GALNT13: variants seen among roughly 807,000 people sequenced by gnomAD.
GALNT13 encodes the protein UDP-GalNAc:polypeptide N-acetylgalactosaminyltransferase 13.
A neutral mutation model predicts 64.2 loss-of-function variants in GALNT13; 28 were observed. The ratio of observed to expected loss-of-function variants is 0.44; its 90% confidence interval spans 0.32 to 0.60. The LOEUF (loss-of-function observed/expected upper bound fraction) is 0.60, where lower values mean the gene tolerates loss of function less well. Among genes scored for constraint, GALNT13 ranks in the 20% least tolerant of loss-of-function variants. The probability of loss-of-function intolerance (pLI) is 0.05; values close to 1 mark genes in which losing one functional copy is unlikely to be tolerated. For synonymous variants in GALNT13, 214 were observed against 224.6 expected (o/e 0.95, Z 0.42); for missense variants, 577 against 669.8 (o/e 0.86, Z 1.53).
intron 1 of GALNT13, among the ~76,000 whole-genome samples, chr2:153,899,215 C>G (rs996413266): frequency 6.6e-6 from 1 of 152,124 alleles, no homozygotes. Flanking sequence ...GCAGATATTG[C>G]GGTAAGATGA....
At position 154,348,878 on chromosome 2, in the gene GALNT13, G is replaced by C. The variant is rs75607610; in HGVS notation, c.1157-47113G>C. Among the ~76,000 whole-genome samples, 1,187 of 152,230 alleles carry C rather than the reference G, an allele frequency of 7.8e-3. 14 individuals are homozygous for C. Among genetic ancestry groups the C allele is most frequent in the African/African-American group, 0.027 (1,128 of 41,548 alleles). On this transcript the variant is annotated intron_variant, in intron 9 of 12. Transcript: ENST00000392825. Reference sequence around the variant, plus strand: ...AGAATCAAACAGAGCCTTTCCAGAAGTTTTTAAAGGGTCATGGAAATGAAA... The same window carrying C: ...AGAATCAAACAGAGCCTTTCCAGAACTTTTTAAAGGGTCATGGAAATGAAA...
the GALNT13 span, among the ~76,000 whole-genome samples, chr2:153,800,657 A>G: frequency 6.6e-6 from 1 of 152,324 alleles, no homozygotes; most frequent in African/African-American, 2.4e-5. Flanking sequence ...GTTCACAAGC[A>G]TCATCACCAG....
chr2:153,754,399 G>A, the GALNT13 span, among the ~76,000 whole-genome samples: 1 of 152,094 alleles, frequency 6.6e-6, no homozygotes, highest in Non-Finnish European at 1.5e-5. Flanking sequence ...CAGTTTGCAG[G>A]TGATAAATCC....
At chr2:153,099,930 C>A in the GALNT13 span, among the ~76,000 whole-genome samples, 1 of 152,134 alleles carries the variant, frequency 6.6e-6, no homozygotes, top group Non-Finnish European at 1.5e-5. Flanking sequence ...CAGAAGGTAT[C>A]TCAGGAATTA....
At chr2:154,434,271 G>GT (rs956796924) in intron 11 of GALNT13, among the ~76,000 whole-genome samples, 14 of 152,064 alleles carry the variant, frequency 9.2e-5, no homozygotes, top group South Asian at 8.3e-4. Context: ...TGGTTTGTTT[G>GT]TTTTTTTTAG....
At chr2:153,920,778 A>G (rs1038799043) in intron 2 of GALNT13, among the ~76,000 whole-genome samples, 2 of 151,912 alleles carry the variant, frequency 1.3e-5, no homozygotes, top group Non-Finnish European at 2.9e-5. Context: ...ACTTAAGTGT[A>G]TGAACAAAAA....
intron 2 of GALNT13, among the ~76,000 whole-genome samples, chr2:153,928,146 C>G (rs1690278139): frequency 6.6e-6 from 1 of 151,980 alleles, no homozygotes; most frequent in African/African-American, 2.4e-5. Context: ...CAGAGTGACT[C>G]TGATACAATT....
the GALNT13 span, among the ~76,000 whole-genome samples, chr2:153,225,717 AAATT>A: frequency 3.3e-5 from 5 of 152,194 alleles, no homozygotes; most frequent in African/African-American, 9.7e-5. Context: ...AAAAATAAAA[AAATT>A]AATAGTAGCA....
At chr2:153,130,861 C>T in the GALNT13 span, among the ~76,000 whole-genome samples, 3 of 152,034 alleles carry the variant, frequency 2.0e-5, no homozygotes, top group Admixed American at 6.6e-5. Context: ...TAGCCTTCAC[C>T]CTGGTGAGCT....
intron 11 of GALNT13, among the ~76,000 whole-genome samples, chr2:154,432,757 T>C (rs1181359974): frequency 6.6e-6 from 1 of 152,166 alleles, no homozygotes; most frequent in Non-Finnish European, 1.5e-5. Context: ...AGGACGCCAG[T>C]CCTTTTAGAT....
At chr2:154,375,361 G>T (rs1282108418) in intron 9 of GALNT13, among the ~76,000 whole-genome samples, 1 of 152,020 alleles carries the variant, frequency 6.6e-6, no homozygotes, top group Non-Finnish European at 1.5e-5. Flanking sequence ...CTATACATAG[G>T]GACAAGGAGG....
the GALNT13 span, among the ~76,000 whole-genome samples, chr2:153,622,742 T>C: frequency 6.6e-6 from 1 of 152,170 alleles, no homozygotes; most frequent in African/African-American, 2.4e-5. Context: ...TAACTTTTAA[T>C]AGGAAAGAAA....
intron 4 of GALNT13, among the ~76,000 whole-genome samples, chr2:154,211,645 A>AG (rs1687775172): frequency 1.3e-5 from 2 of 149,516 alleles, no homozygotes; most frequent in African/African-American, 2.4e-5. Context: ...AAAAAAAAAA[A>AG]AAAAAAAAAA....
chr2:154,162,278 T>C (rs553746528), intron 4 of GALNT13, among the ~76,000 whole-genome samples: 1 of 152,312 alleles, frequency 6.6e-6, no homozygotes, highest in East Asian at 1.9e-4. Context: ...TGTTAAAGTT[T>C]TGTGTTATGT....
At chr2:153,819,162 A>G in the GALNT13 span, among the ~76,000 whole-genome samples, 1 of 152,130 alleles carries the variant, frequency 6.6e-6, no homozygotes, top group African/African-American at 2.4e-5. Flanking sequence ...GTATGGGCCC[A>G]AAGGTGGAGC....
chr2:153,571,406 G>GATAATTTGACTTC, the GALNT13 span, among the ~76,000 whole-genome samples: 1 of 151,868 alleles, frequency 6.6e-6, no homozygotes, highest in East Asian at 1.9e-4. Context: ...TGCAAACAAG[G>GATAATTTGACTTC]ATAATTTGAC....
chr2:153,554,888 C>T, the GALNT13 span, among the ~76,000 whole-genome samples: 15,561 of 151,940 alleles, frequency 0.1, 1,061 homozygotes, highest in East Asian at 0.36. Flanking sequence ...TGTATGTGTA[C>T]GAGAGAAAAT....
At chr2:154,008,761 TCTC>T (rs1450941011) in intron 3 of GALNT13, among the ~76,000 whole-genome samples, 6 of 152,160 alleles carry the variant, frequency 3.9e-5, no homozygotes, top group African/African-American at 1.4e-4. Context: ...AAGGACTTGA[TCTC>T]CTTCTTTTTT....
In GALNT13 at chr2:154,315,155, AC is replaced by A. The variant is rs1277087074; in HGVS notation, c.1156+13567del. ...AAACAAACAAACAAACATACCACAA[AC>A]TTTTTTACAGGACATTAAACTCTCA... On this transcript the variant is annotated intron_variant, in intron 9 of 12. Coordinates refer to ENST00000392825, the MANE Select transcript of GALNT13 (RefSeq NM_052917.4). 3.9e-5 allele frequency among the ~76,000 whole-genome samples: 6 copies of A among 152,096 alleles called. No individual in the cohort carries two copies. In the South Asian group the frequency reaches 6.2e-4, roughly 16 times the overall value.
Sources: gnomAD v4.1 joint callset for allele counts (sites outside exome capture counted in the v4.1 genomes callset) on GRCh38, gnomAD v4.1.1 for gene constraint, MANE v1.5 for transcripts, NCBI Gene and HGNC (gene_info 2026-07-23, HGNC 2026-07-21) for gene names.